Variants in ANK3 observed in about 807,000 individuals in gnomAD.
ANK3 encodes the protein ankyrin-3.
In ANK3, 57 loss-of-function variants were observed where a neutral mutation model predicts 370.9. The ratio of observed to expected loss-of-function variants is 0.15; its 90% CI spans 0.12 to 0.19. ANK3 has a LOEUF of 0.19. Ranked by LOEUF, ANK3 falls within the 10% of genes least tolerant of loss-of-function variation. The pLI is 1.00. For synonymous variants in ANK3, 1,929 were observed against 1,946.3 expected (o/e 0.99, Z 0.23); for missense variants, 4,439 against 5,302.1 (o/e 0.84, Z 5.06).
intron 2 of ANK3, among the ~76,000 whole-genome samples, chr10:60,408,617 A>G (rs576206977): frequency 6.6e-6 from 1 of 152,300 alleles, no homozygotes; most frequent in South Asian, 2.1e-4. Context: ...ATGAACTAAT[A>G]CAAACTGTAA....
At chr10:60,673,376 G>C (rs2133383357) in intron 1 of ANK3, among the ~76,000 whole-genome samples, 1 of 151,812 alleles carries the variant, frequency 6.6e-6, no homozygotes, top group Admixed American at 6.6e-5. Context: ...TTGAGACAGA[G>C]TTTCGCTCTT....
intron 35 of ANK3, chr10:60,081,638 C>T: frequency 5.8e-6 from 2 of 344,352 alleles, no homozygotes; most frequent in South Asian, 4.8e-5. Context: ...AATAAAATTG[C>T]ACATATTAAA....
chr10:60,447,413 C>T (rs1448107340), intron 2 of ANK3, among the ~76,000 whole-genome samples: 2 of 152,058 alleles, frequency 1.3e-5, no homozygotes, highest in Non-Finnish European at 2.9e-5. Flanking sequence ...CCCTCAAAAG[C>T]TTACTTATTG....
rs1491538757 is a variant in ANK3, at chr10:60,027,307, T to TTTTTA, written c.*2538_*2539insTAAAA. ...GAAAGTTTTTTTTTTTTTTTTTTTTTAAAAAAAAAACCTCTCAAGGGTCTA... is the reference window on the plus strand; with the variant it reads ...GAAAGTTTTTTTTTTTTTTTTTTTTTTTTTAAAAAAAAAAACCTCTCAAGGGTCTA... On this transcript the variant is annotated 3_prime_UTR_variant, in exon 44 of 44. Coordinates refer to ENST00000280772, the MANE Select transcript of ANK3 (RefSeq NM_020987.5). 8 of 135,074 alleles carry TTTTTA rather than the reference T, an allele frequency of 5.9e-5. No homozygotes were observed. Among genetic ancestry groups the TTTTTA allele is most frequent in the African/African-American group, 1.9e-4 (7 of 36,052 alleles). The allele number at this position is 135,074 out of a possible 1,614,324, so 8.4% of individuals were successfully genotyped here.
intron 38 of ANK3, among the ~76,000 whole-genome samples, 176 bp downstream of exon 38, chr10:60,067,757 AAC>A (rs2081934328): frequency 6.6e-6 from 1 of 152,216 alleles, no homozygotes; most frequent in African/African-American, 2.4e-5. Context: ...GCTTTGGAAA[AAC>A]ACAGTATACA....
chr10:60,620,487 A>G lies in ANK3; in HGVS notation c.58-5263T>C, dbSNP rs574636589. ...AAAAGGAAACTGAGGCACAAAGAGA[A>G]TAAGTAACTTACCCAAAGTTACACA... is the stretch of plus-strand genomic sequence containing the variant. On this transcript the variant is annotated intron_variant, in intron 1 of 43. Transcript: ENST00000373827. Among the ~76,000 whole-genome samples, 28 of 152,314 alleles carry G rather than the reference A, an allele frequency of 1.8e-4. 1 individual carries two copies. The South Asian group carries it at 5.8e-3, about 32-fold the overall frequency.
chr10:60,618,783 C>A (rs1417096406), intron 1 of ANK3, among the ~76,000 whole-genome samples: 1 of 152,028 alleles, frequency 6.6e-6, no homozygotes, highest in Non-Finnish European at 1.5e-5. Flanking sequence ...GACCACCAGC[C>A]AAACTCTGAT....
At chr10:60,197,184 T>A (rs1415783173) in intron 14 of ANK3, among the ~76,000 whole-genome samples, 11 of 152,200 alleles carry the variant, frequency 7.2e-5, no homozygotes, top group Non-Finnish European at 1.5e-5. Flanking sequence ...TGAGAAATTC[T>A]CTCACCTTTG....
intron 1 of ANK3, among the ~76,000 whole-genome samples, chr10:60,726,338 T>C (rs1369545406): frequency 1.3e-5 from 2 of 152,156 alleles, no homozygotes; most frequent in Non-Finnish European, 2.9e-5. Flanking sequence ...GCCTAAAACA[T>C]AGGTTCAAAG....
chr10:60,290,222 T>C (rs1368142194), intron 1 of ANK3, among the ~76,000 whole-genome samples: 1 of 152,148 alleles, frequency 6.6e-6, no homozygotes, highest in Non-Finnish European at 1.5e-5. Context: ...CTTTAAGAGA[T>C]TGATATTTCT....
At chr10:60,255,168 A>G (rs1279452957) in intron 7 of ANK3, among the ~76,000 whole-genome samples, 1 of 152,248 alleles carries the variant, frequency 6.6e-6, no homozygotes, top group Non-Finnish European at 1.5e-5. Flanking sequence ...ATTACTATAA[A>G]TATCACCTGC....
intron 1 of ANK3, among the ~76,000 whole-genome samples, chr10:60,331,544 C>T (rs1224441531): frequency 6.6e-6 from 1 of 150,528 alleles, no homozygotes; most frequent in East Asian, 2.0e-4. Flanking sequence ...TGGAGGAAAC[C>T]CCCCTGTGAA....
rs1248267868 is a variant in ANK3, at chr10:60,088,307, G to A, written c.3380C>T (p.Thr1127Met). The A allele has an allele frequency of 1.2e-5, 20 of 1,614,064 alleles. No individual in the cohort carries two copies. The highest frequency in any genetic ancestry group is 4.0e-5 in the African/African-American group (3 of 74,924). Residue 1127 changes from threonine to methionine, a missense_variant, in exon 29 of 44, where the codon ACG becomes ATG. Physicochemically the swap from Thr to Met is moderately conservative, Grantham distance 81 (BLOSUM62 -1). Transcript: ENST00000280772. ...TGCAAAATACTGGGGGAAATCTTTC[G>A]TGATAATCCTGCAGATACGCTTTTT... is the stretch of plus-strand genomic sequence containing the variant. ...LGKKRICRII[T>M]KDFPQYFAVV... is the part of the protein sequence containing the mutation.
chr10:60,461,338 A>G (rs144720285), intron 2 of ANK3, among the ~76,000 whole-genome samples: 3 of 152,182 alleles, frequency 2.0e-5, no homozygotes, highest in African/African-American at 7.2e-5. Context: ...GATTAAAAGA[A>G]CTAATGCAGT....
chr10:60,331,450 T>A (rs2051275227), intron 1 of ANK3, among the ~76,000 whole-genome samples: 1 of 152,036 alleles, frequency 6.6e-6, no homozygotes, highest in African/African-American at 2.4e-5. Flanking sequence ...TTTTCTCTGG[T>A]TGACGAGTTA....
intron 43 of ANK3, among the ~76,000 whole-genome samples, chr10:60,041,854 A>G (rs1334939237): frequency 6.6e-6 from 1 of 152,220 alleles, no homozygotes; most frequent in East Asian, 1.9e-4. Flanking sequence ...GCATACCAGT[A>G]TTCTGGCAAG....
At chr10:60,401,089 C>CA (rs1341103146) in intron 2 of ANK3, among the ~76,000 whole-genome samples, 2 of 152,108 alleles carry the variant, frequency 1.3e-5, no homozygotes, top group East Asian at 3.9e-4. Context: ...ATCAGAAGAA[C>CA]AAAAAATATA....
At chr10:60,386,431 C>T (rs968828984) in intron 1 of ANK3, among the ~76,000 whole-genome samples, 1 of 150,950 alleles carries the variant, frequency 6.6e-6, no homozygotes, top group Non-Finnish European at 1.5e-5. Flanking sequence ...TTCCTTTCAA[C>T]AAATAGGAAG....
intron 42 of ANK3, chr10:60,050,822 C>CA (rs1053392543): frequency 1.4e-5 from 2 of 147,416 alleles, no homozygotes; most frequent in East Asian, 2.0e-4. Flanking sequence ...TTCTATTTTC[C>CA]TTTTTTTTTT....
Sources: allele counts gnomAD v4.1 joint callset (sites outside exome capture counted in the v4.1 genomes callset), GRCh38; gene constraint gnomAD v4.1.1; transcripts MANE v1.5; gene names NCBI Gene and HGNC (gene_info 2026-07-23, HGNC 2026-07-21).